The following LAMB2 variants were observed in gnomAD, a reference collection of about 807,000 sequenced individuals.
LAMB2 encodes laminin subunit beta-2.
In LAMB2, 119 loss-of-function variants were observed where a neutral mutation model predicts 202.7. That is an observed-to-expected ratio of 0.59 (90% confidence interval 0.51 to 0.68). The LOEUF is 0.68. Ranked by LOEUF, LAMB2 falls within the 30% of genes least tolerant of loss-of-function variation. The pLI is 0.00. For synonymous variants in LAMB2, 818 were observed against 902.2 expected (o/e 0.91, Z 1.67); for missense variants, 2,124 against 2,410.6 (o/e 0.88, Z 2.49).
At position 49,123,775 on chromosome 3, in the gene LAMB2, G is replaced by C; in HGVS notation, c.3750C>G (p.Thr1250=). ...IVQGIVGARN[T]SAASTAQLVE... ...CAAGCTGTGCAGTGGAGGCGGCTGA[G>C]GTGTTGCGGGCACCTACGATGCCCT... is the stretch of plus-strand genomic sequence containing the variant. Residue 1250 remains threonine (T), a synonymous_variant, in exon 24 of 32, where the codon ACC becomes ACG. Transcript: ENST00000305544. The C allele has an allele frequency of 6.2e-7, 1 of 1,613,386 alleles. No homozygotes were observed.
At position 49,132,170 on chromosome 3, in the gene LAMB2, G is replaced by C. The variant is rs758877377; in HGVS notation, c.405C>G (p.Ile135Met). Residue 135 changes from isoleucine (I) to methionine (M), a missense_variant, in exon 4 of 32, where the codon ATC (isoleucine) becomes ATG (methionine). Coordinates refer to ENST00000305544, the MANE Select transcript of LAMB2 (RefSeq NM_002292.4). The surrounding 1 kb of genome is among the most constrained non-coding windows in gnomAD (Gnocchi z 4.6). ...GAAACTCAGCCTCCAGGTCCAGCTGGATGGTGACCGCAGGGATACCTGGGA... is the reference window on the plus strand; with the variant it reads ...GAAACTCAGCCTCCAGGTCCAGCTGCATGGTGACCGCAGGGATACCTGGGA... ...QSENGIPAVT[I>M]QLDLEAEFHF... The C allele has an allele frequency of 1.9e-6, 3 of 1,614,206 alleles. No individual in the cohort carries two copies. The South Asian group carries it at 3.3e-5, about 18-fold the overall frequency.
intron 15 of LAMB2, among the ~76,000 whole-genome samples, chr3:49,128,153 A>G (rs1575534929): frequency 6.6e-6 from 1 of 152,002 alleles, no homozygotes; most frequent in Admixed American, 6.5e-5. Context: ...TGATGCCACA[A>G]CCCCACCACT....
rs1464868773 is a variant in LAMB2 at position 49,131,366 on chromosome 3, G to A, written c.712+13C>T. On this transcript the variant is annotated intron_variant, in intron 6 of 31. Transcript: ENST00000305544. The surrounding 1 kb of genome is among the most constrained non-coding windows in gnomAD (Gnocchi z 5.0). ...ACACGGACTGTGCCAGACTCAAAGGGTGGAGCACTCACTCTGAATCCGTGA... is the reference window on the plus strand; with the variant it reads ...ACACGGACTGTGCCAGACTCAAAGGATGGAGCACTCACTCTGAATCCGTGA... 6.8e-6 allele frequency: 11 copies of A among 1,613,522 alleles called. No individual in the cohort carries two copies. The highest frequency in any genetic ancestry group is 1.1e-5 in the South Asian group (1 of 91,080).
At position 49,121,604 on chromosome 3, in the gene LAMB2, G is replaced by C; in HGVS notation, c.5101-12C>G. 1.9e-6 allele frequency: 3 copies of C among 1,614,004 alleles called. No homozygotes were observed. In the Admixed American group the frequency reaches 5.0e-5, roughly 27 times the overall value. On this transcript the variant is annotated splice_polypyrimidine_tract_variant and intron_variant, in intron 30 of 31. Coordinates refer to ENST00000305544, the MANE Select transcript of LAMB2 (RefSeq NM_002292.4). ...GGACCGCGTAGCAGCTGCAGATGTA[G>C]AGGGTTAGGTTAGCGTGGTAGCTCA...
chr3:49,129,576 C>T lies in LAMB2; in HGVS notation c.1518+28G>A. On this transcript the variant is annotated intron_variant, in intron 11 of 31. Coordinates refer to ENST00000305544, the MANE Select transcript of LAMB2 (RefSeq NM_002292.4). The surrounding 1 kb of genome is among the most constrained non-coding windows in gnomAD (Gnocchi z 6.1). The stretch of plus-strand genomic sequence containing the variant: ...TGTGCTCTAAGGACAAATCATGCCC[C>T]TAGAACTCCAGCCCCTTCCAGTCGC... 1 of 1,564,250 alleles carries T rather than the reference C, an allele frequency of 6.4e-7. No homozygotes were observed. The highest frequency in any genetic ancestry group is 8.8e-7 in the Non-Finnish European group (1 of 1,135,172).
Position 49,132,020 on chromosome 3 carries a change from T to C in LAMB2, c.459+96A>G. 8.2e-7 allele frequency: 1 copy of C among 1,214,120 alleles called. No individual in the cohort carries two copies. The highest frequency in any genetic ancestry group is 1.2e-5 in the South Asian group (1 of 81,886). 75.2% of individuals were successfully genotyped at this position (1,214,120 alleles called of 1,614,324 possible). ...GGGATGAAGGAGCCTCCTGCATCCA[T>C]GCTCAAGGAGGCTGTGTTAAGGAGC... On this transcript the variant is annotated intron_variant, in intron 4 of 31. Coordinates refer to ENST00000305544, the MANE Select transcript of LAMB2 (RefSeq NM_002292.4). This position sits in a 1 kb window ranked among gnomAD's most constrained non-coding sequence, Gnocchi z 4.6.
At position 49,132,035 on chromosome 3, in the gene LAMB2, T is replaced by G. The variant is rs2107645170; in HGVS notation, c.459+81A>C. ...CCTGCATCCATGCTCAAGGAGGCTG[T>G]GTTAAGGAGCTGAGGCTCTGTCCAG... On this transcript the variant is annotated intron_variant, in intron 4 of 31. Transcript: ENST00000305544. This position sits in a 1 kb window ranked among gnomAD's most constrained non-coding sequence, Gnocchi z 4.6. 7.5e-7 allele frequency: 1 copy of G among 1,330,196 alleles called. No individual in the cohort carries two copies. Among genetic ancestry groups the G allele is most frequent in the Non-Finnish European group, 1.1e-6 (1 of 922,608 alleles). 82.4% of individuals were successfully genotyped at this position (1,330,196 alleles called of 1,614,324 possible).
At position 49,131,063 on chromosome 3, in the gene LAMB2, C is replaced by G. The variant is rs1473062967; in HGVS notation, c.802G>C (p.Glu268Gln). 15 of 1,613,872 alleles carry G rather than the reference C, an allele frequency of 9.3e-6. No individual in the cohort carries two copies. In the South Asian group the frequency reaches 1.6e-4, roughly 18 times the overall value. The change falls in exon 7 of 32, where the codon GAG (glutamate) becomes CAG (glutamine). Residue 268 changes from glutamate to glutamine, a missense_variant. Around this residue, in one of 3 missense-constraint regions of LAMB2, gnomAD observed 256 missense variants for 356.1 expected, o/e 0.72. Coordinates refer to ENST00000305544, the MANE Select transcript of LAMB2 (RefSeq NM_002292.4). This position sits in a 1 kb window ranked among gnomAD's most constrained non-coding sequence, Gnocchi z 5.0. ...TCATAGAGGGCATAGTAGTACTTCTCTCGGATCTCCCTCCGTGGGTCGAGT... is the reference window on the plus strand; with the variant it reads ...TCATAGAGGGCATAGTAGTACTTCTGTCGGATCTCCCTCCGTGGGTCGAGT... The part of the protein sequence containing the change: ...NLLDPRREIR[E>Q]KYYYALYELV...
chr3:49,122,599 A>G, intron 27 of LAMB2, 105 bp downstream of exon 27: 1 of 1,049,654 alleles, frequency 9.5e-7, no homozygotes, highest in South Asian at 1.3e-5. Flanking sequence ...CATAAACACT[A>G]ATCCAGTGTA....
Position 49,121,370 on chromosome 3 carries a change from G to A in LAMB2, c.5261-8C>T, listed in dbSNP as rs377454604. 82 of 1,614,070 alleles carry A rather than the reference G, an allele frequency of 5.1e-5. No individual in the cohort carries two copies. The highest frequency in any genetic ancestry group is 6.7e-5 in the Non-Finnish European group (79 of 1,180,040). On this transcript the variant is annotated splice_polypyrimidine_tract_variant and splice_region_variant and intron_variant, in intron 31 of 31. Transcript: ENST00000305544. ...CATAGGTGCCTTCCAATTCTAGGAA[G>A]GGCAGGTGTCAGTTTAGGGGGGGTT...
intron 15 of LAMB2, 46 bp from the exon 16 acceptor site, chr3:49,126,543 G>A: frequency 6.2e-7 from 1 of 1,611,356 alleles, no homozygotes; most frequent in Admixed American, 1.7e-5. Context: ...TAGGGGCCCT[G>A]TACAAATCAT....
At position 49,121,982 on chromosome 3, in the gene LAMB2, C is replaced by T; in HGVS notation, c.4885G>A (p.Val1629Met). Residue 1629 changes from valine (V) to methionine (M), a missense_variant, in exon 29 of 32, where the codon GTG becomes ATG. By Grantham distance (21) the Val-to-Met change is conservative. Around this residue, in one of 3 missense-constraint regions of LAMB2, gnomAD observed 1,702 missense variants for 1,896.3 expected, o/e 0.90. Coordinates refer to ENST00000305544, the MANE Select transcript of LAMB2 (RefSeq NM_002292.4). Reference protein sequence around the residue: ...GIAQGAIRGAVADTRDTEQTL... With the variant: ...GIAQGAIRGAMADTRDTEQTL... The stretch of plus-strand genomic sequence containing the variant: ...TGCTCTGTGTCCCGTGTGTCAGCCA[C>T]TGCCCCCCGGATGGCACCCTGGGCA... The T allele has an allele frequency of 1.2e-6, 2 of 1,614,008 alleles. No individual in the cohort carries two copies. Among genetic ancestry groups the T allele is most frequent in the East Asian group, 4.5e-5 (2 of 44,888 alleles).
At chr3:49,126,858 C>T (rs2045421712) in intron 15 of LAMB2, among the ~76,000 whole-genome samples, 1 of 152,176 alleles carries the variant, frequency 6.6e-6, no homozygotes, top group Admixed American at 6.6e-5. Context: ...CACTATGTCG[C>T]CCCCTCTCTC....
At position 49,126,386 on chromosome 3, in the gene LAMB2, T is replaced by C; in HGVS notation, c.2130A>G (p.Gly710=). Residue 710 remains glycine (G), a synonymous_variant, in exon 16 of 32, where the codon GGA becomes GGG. Coordinates refer to ENST00000305544, the MANE Select transcript of LAMB2 (RefSeq NM_002292.4). ...GSAQPETPYS[G]PGLLIDSLVL... The stretch of plus-strand genomic sequence containing the variant: ...TCACCGAGTCAATGAGCAGGCCAGG[T>C]CCAGAGTAGGGAGTCTCAGGCTGGG... 2.5e-6 allele frequency: 4 copies of C among 1,614,024 alleles called. No individual in the cohort carries two copies. The highest frequency in any genetic ancestry group is 3.4e-6 in the Non-Finnish European group (4 of 1,179,992).
At chr3:49,122,444 G>A in intron 27 of LAMB2, 74 bp from the exon 28 acceptor site, 1 of 1,383,910 alleles carries the variant, frequency 7.2e-7, no homozygotes, top group Admixed American at 1.7e-5. Context: ...TTGGGGTATG[G>A]ACTCAGGACA....
chr3:49,125,059 T>A lies in LAMB2; in HGVS notation c.2831A>T (p.His944Leu). The change falls in exon 20 of 32, where the codon CAC becomes CTC. Residue 944 changes from histidine (H) to leucine (L), a missense_variant. His to Leu is a moderately conservative substitution (Grantham distance 99). This residue lies in a region of LAMB2 where 1,702 missense variants were observed against 1,896.3 expected (regional missense o/e 0.90). Transcript: ENST00000305544. ...AATCTGCTGGGAATATTCATCCTGG[T>A]GGCAAGAAGTAGCAAAGTGCCGTTG... ...GSQRHFATSCHQDEYSQQIVC... is the reference protein window; with the variant it reads ...GSQRHFATSCLQDEYSQQIVC... 1.2e-6 allele frequency: 2 copies of A among 1,613,916 alleles called. No homozygotes were observed.
At position 49,128,724 on chromosome 3, in the gene LAMB2, C is replaced by T; in HGVS notation, c.1827G>A (p.Glu609=). 1 of 1,614,164 alleles carries T rather than the reference C, an allele frequency of 6.2e-7. No homozygotes were observed. The change falls in exon 14 of 32, where the codon GAG becomes GAA. Residue 609 remains glutamate, a synonymous_variant. Transcript: ENST00000305544. ...CCTTCGGCACAGAGGCCACCAGGAACTCCAGGGTCTGACCTTCCTGTAGCC... is the reference window on the plus strand; with the variant it reads ...CCTTCGGCACAGAGGCCACCAGGAATTCCAGGGTCTGACCTTCCTGTAGCC... ...FVRLQEGQTL[E]FLVASVPKAM...
rs372405688 is a variant in LAMB2 at position 49,122,330 on chromosome 3, T to C, written c.4614A>G (p.Thr1538=). Residue 1538 remains threonine (T), a synonymous_variant, in exon 28 of 32, where the codon ACA becomes ACG. Transcript: ENST00000305544. The part of the protein sequence containing the change: ...ADPDSIEMVA[T]RVLELSIPAS... Reference sequence around the variant, plus strand: ...CTGGGATGGAGAGCTCTAGCACCCGTGTGGCCACCATTTCAATGCTATCAG... The same window carrying C: ...CTGGGATGGAGAGCTCTAGCACCCGCGTGGCCACCATTTCAATGCTATCAG... The C allele has an allele frequency of 7.4e-6, 12 of 1,613,272 alleles. No individual in the cohort carries two copies. Among genetic ancestry groups the C allele is most frequent in the African/African-American group, 1.3e-5 (1 of 74,924 alleles).
rs778631081 is a variant in LAMB2 at position 49,129,676 on chromosome 3, A to G, written c.1446T>C (p.Thr482=). ...AGGATCCACTGTTGGGGTCACAAGG[A>G]GTGCTCCCAGGCACTGTGCCCCGTG... The part of the protein sequence containing the change: ...CNARGTVPGS[T]PCDPNSGSCY... The change falls in exon 11 of 32, where the codon ACT becomes ACC. Residue 482 remains threonine, a synonymous_variant. Transcript: ENST00000305544. The surrounding 1 kb of genome is among the most constrained non-coding windows in gnomAD (Gnocchi z 6.1). 10 of 1,614,126 alleles carry G rather than the reference A, an allele frequency of 6.2e-6. No homozygotes were observed. The highest frequency in any genetic ancestry group is 8.5e-6 in the Non-Finnish European group (10 of 1,179,986).
Sources: allele counts gnomAD v4.1 joint callset (sites outside exome capture counted in the v4.1 genomes callset), GRCh38; gene constraint gnomAD v4.1.1; regional missense constraint gnomAD v4.1.1; non-coding constraint Gnocchi (gnomAD v3.1); transcripts MANE v1.5; gene names NCBI Gene and HGNC (gene_info 2026-07-23, HGNC 2026-07-21).